CFAP20DC: variants seen among roughly 807,000 people sequenced by gnomAD.
CFAP20DC encodes CFAP20 domain containing.
Under a neutral mutation model 101.7 loss-of-function variants are expected in CFAP20DC, and 84 were observed. The ratio of observed to expected loss-of-function variants is 0.83; its 90% CI spans 0.69 to 0.99. The LOEUF (loss-of-function observed/expected upper bound fraction) is 0.99. CFAP20DC is among the 50% of genes least tolerant of loss of function. CFAP20DC has a pLI of 0.00. For missense variants in CFAP20DC, 1,007 were observed against 970.3 expected, an observed-to-expected ratio of 1.04 and a Z score of -0.50; for synonymous variants, 359 against 351.2, an observed-to-expected ratio of 1.02 and a Z score of -0.25.
At chr3:58,996,632 T>G (rs2093143687) in intron 4 of CFAP20DC, among the ~76,000 whole-genome samples, 1 of 152,200 alleles carries the variant, frequency 6.6e-6, no homozygotes, top group South Asian at 2.1e-4. Context: ...GTGTGCTATG[T>G]GAACTGTTTA....
intron 13 of CFAP20DC, among the ~76,000 whole-genome samples, chr3:58,848,554 A>T (rs1009035933): frequency 6.6e-6 from 1 of 152,184 alleles, no homozygotes; most frequent in Non-Finnish European, 1.5e-5. Context: ...CGAGGGATTT[A>T]TTCGATGACA....
Position 59,006,404 on chromosome 3 carries a change from G to A in CFAP20DC, c.278+33153C>T, listed in dbSNP as rs1349279933. Among the ~76,000 whole-genome samples the A allele has an allele frequency of 2.0e-5, 3 of 152,180 alleles. No individual in the cohort carries two copies. Among genetic ancestry groups the A allele is most frequent in the African/African-American group, 7.2e-5 (3 of 41,430 alleles). Reference sequence around the variant, plus strand: ...CAAGTACCACTGCAGGAATCTACCAGGAAAACTGGAAGAATTCACAGATCC... The same window carrying A: ...CAAGTACCACTGCAGGAATCTACCAAGAAAACTGGAAGAATTCACAGATCC... On this transcript the variant is annotated intron_variant, in intron 4 of 16. Coordinates refer to ENST00000482387, the MANE Select transcript of CFAP20DC (RefSeq NM_001394063.1). The surrounding 1 kb of genome is among the most constrained non-coding windows in gnomAD (Gnocchi z 4.3).
chr3:58,753,206 C>G (rs2068696670), intron 16 of CFAP20DC, among the ~76,000 whole-genome samples: 1 of 152,154 alleles, frequency 6.6e-6, no homozygotes, highest in African/African-American at 2.4e-5. Flanking sequence ...TTACTAATAC[C>G]TATTGTAGCT....
chr3:58,895,457 G>C (rs2082593505), intron 6 of CFAP20DC, among the ~76,000 whole-genome samples: 1 of 152,090 alleles, frequency 6.6e-6, no homozygotes, highest in South Asian at 2.1e-4. Context: ...AACATAACAA[G>C]AATCACCTTT....
chr3:58,933,277 C>A (rs1576367470), intron 5 of CFAP20DC, among the ~76,000 whole-genome samples: 1 of 151,702 alleles, frequency 6.6e-6, no homozygotes, highest in South Asian at 2.1e-4. Context: ...TAAAGCAAGT[C>A]CTGAGTGACC....
chr3:58,926,014 A>G (rs1314013632), intron 5 of CFAP20DC, among the ~76,000 whole-genome samples: 1 of 152,224 alleles, frequency 6.6e-6, no homozygotes, highest in Non-Finnish European at 1.5e-5. Context: ...TCCTTTCTCC[A>G]GATTTCTTCA....
intron 7 of CFAP20DC, among the ~76,000 whole-genome samples, chr3:58,876,149 C>A (rs1041425972): frequency 1.7e-4 from 26 of 152,060 alleles, no homozygotes; most frequent in African/African-American, 5.8e-4. Flanking sequence ...TATTTAGTAT[C>A]TCTTTAATAG....
rs796736103 is a variant in CFAP20DC, at chr3:58,815,819, C to T, written c.2176-9363G>A. Among the ~76,000 whole-genome samples the T allele has an allele frequency of 4.0e-5, 6 of 150,150 alleles. No homozygotes were observed. The South Asian group carries it at 1.3e-3, about 32-fold the overall frequency. On this transcript the variant is annotated intron_variant, in intron 14 of 16. Transcript: ENST00000482387. ...TCAAAACCACAATGAGATACCATCTCACACCAGTTAGAATGGCAATCATTA... is the reference window on the plus strand; with the variant it reads ...TCAAAACCACAATGAGATACCATCTTACACCAGTTAGAATGGCAATCATTA...
intron 12 of CFAP20DC, 135 bp from the exon 13 acceptor site, chr3:58,849,544 C>T: frequency 1.5e-6 from 1 of 673,854 alleles, no homozygotes; most frequent in South Asian, 2.4e-5. Context: ...TTACTTTAAT[C>T]TGCAAAGAAA....
chr3:58,932,041 T>A (rs1030209075), intron 5 of CFAP20DC, among the ~76,000 whole-genome samples: 4 of 152,122 alleles, frequency 2.6e-5, no homozygotes, highest in African/African-American at 9.7e-5. Flanking sequence ...TTTAGACGAA[T>A]GTATAACTAG....
At chr3:58,767,431 C>T (rs2070421936) in intron 15 of CFAP20DC, among the ~76,000 whole-genome samples, 1 of 152,046 alleles carries the variant, frequency 6.6e-6, no homozygotes, top group Admixed American at 6.6e-5. Context: ...ATTTGTGTTC[C>T]TTTTTTAAAA....
At chr3:58,924,164 A>C (rs1396009845) in intron 5 of CFAP20DC, among the ~76,000 whole-genome samples, 2 of 152,076 alleles carry the variant, frequency 1.3e-5, no homozygotes, top group Non-Finnish European at 2.9e-5. Flanking sequence ...TTGGGCTTCT[A>C]GTGTGCCCAT....
At chr3:58,953,286 G>T (rs2090321647) in intron 4 of CFAP20DC, among the ~76,000 whole-genome samples, 1 of 152,136 alleles carries the variant, frequency 6.6e-6, no homozygotes, top group Admixed American at 6.6e-5. Flanking sequence ...TTTATTAAGA[G>T]GTGGGTCCTC....
chr3:58,778,565 C>T (rs567417079), intron 15 of CFAP20DC, among the ~76,000 whole-genome samples: 6 of 152,324 alleles, frequency 3.9e-5, no homozygotes, highest in African/African-American at 1.4e-4. Context: ...ATTTATGCCA[C>T]AGTCACTGCC....
At chr3:58,737,476 G>A (rs2067784242), downstream of CFAP20DC, among the ~76,000 whole-genome samples, 1 of 152,168 alleles carries the variant, frequency 6.6e-6, no homozygotes, top group African/African-American at 2.4e-5. This position sits in a 1 kb window ranked among gnomAD's most constrained non-coding sequence, Gnocchi z 4.1. Flanking sequence ...AAGGATGTGA[G>A]TGGATAAAAC....
chr3:58,735,910 A>G (rs192894265), intron 3 of CFAP20DC, among the ~76,000 whole-genome samples: 2 of 152,316 alleles, frequency 1.3e-5, no homozygotes, highest in East Asian at 1.9e-4. Flanking sequence ...TGGACTTACT[A>G]TTTATCTGGA....
chr3:58,809,880 G>T (rs572638077), intron 14 of CFAP20DC, among the ~76,000 whole-genome samples: 1 of 152,050 alleles, frequency 6.6e-6, no homozygotes, highest in Non-Finnish European at 1.5e-5. Context: ...TATCACCACC[G>T]ATCCCTCAGA....
At chr3:58,958,035 G>C (rs1161368325) in intron 4 of CFAP20DC, among the ~76,000 whole-genome samples, 1 of 152,036 alleles carries the variant, frequency 6.6e-6, no homozygotes. Context: ...TGCTTGAGAG[G>C]ATAAATAACC....
At chr3:58,726,989 A>T in intron 3 of CFAP20DC, 1 of 272,206 alleles carries the variant, frequency 3.7e-6, no homozygotes, top group Non-Finnish European at 7.2e-6. Context: ...TCACACCATC[A>T]GAACAGATGA....
Sources: allele counts gnomAD v4.1 joint callset (sites outside exome capture counted in the v4.1 genomes callset), GRCh38; gene constraint gnomAD v4.1.1; non-coding constraint Gnocchi (gnomAD v3.1); transcripts MANE v1.5; gene names NCBI Gene and HGNC (gene_info 2026-07-23, HGNC 2026-07-21).